Variants in NBAS observed in about 807,000 individuals in gnomAD.
NBAS encodes the protein NAG/BC035112 fusion.
A neutral mutation model predicts 302.5 loss-of-function variants in NBAS; 219 were observed. The ratio of observed to expected loss-of-function variants is 0.72; its 90% CI spans 0.65 to 0.81. The LOEUF (loss-of-function observed/expected upper bound fraction) is 0.81. Among genes scored for constraint, NBAS ranks in the 30% least tolerant of loss-of-function variants. NBAS has a pLI of 0.00. For missense variants in NBAS, 2,932 were observed against 2,841.6 expected, an observed-to-expected ratio of 1.03 and a Z score of -0.72; for synonymous variants, 1,118 against 1,021.6, an observed-to-expected ratio of 1.09 and a Z score of -1.80.
At chr2:14,835,750 A>C in the NBAS span, among the ~76,000 whole-genome samples, 261 of 152,068 alleles carry the variant, frequency 1.7e-3, no homozygotes, top group African/African-American at 6.0e-3. Context: ...AGTTGCTTCA[A>C]GTTTGGGGCC....
intron 9 of NBAS, among the ~76,000 whole-genome samples, chr2:15,533,447 T>C (rs1210959621): frequency 2.0e-5 from 3 of 152,090 alleles, no homozygotes; most frequent in Non-Finnish European, 2.9e-5. Context: ...TAGTTAAAAA[T>C]GAATAAACTA....
intron 31 of NBAS, among the ~76,000 whole-genome samples, chr2:15,372,494 A>G (rs1237054188): frequency 6.6e-6 from 1 of 152,240 alleles, no homozygotes; most frequent in Admixed American, 6.5e-5. Flanking sequence ...TACCTAAACC[A>G]TAAATTTCTA....
At chr2:15,154,957 C>T in the NBAS span, among the ~76,000 whole-genome samples, 3 of 152,198 alleles carry the variant, frequency 2.0e-5, no homozygotes, top group Non-Finnish European at 4.4e-5. Flanking sequence ...TTCCAGTGTT[C>T]TAAGAGTTTA....
the NBAS span, among the ~76,000 whole-genome samples, chr2:14,845,927 C>T: frequency 1.3e-5 from 2 of 151,938 alleles, no homozygotes; most frequent in Middle Eastern, 3.4e-3. Context: ...AAAATAGCCT[C>T]AAATGGCAAA....
intron 9 of NBAS, among the ~76,000 whole-genome samples, chr2:15,515,117 A>C (rs1040140190): frequency 2.6e-5 from 4 of 152,182 alleles, no homozygotes; most frequent in African/African-American, 9.7e-5. Context: ...AGAAATGGAG[A>C]TAACTGAATC....
At position 15,407,558 on chromosome 2, in the gene NBAS, G is replaced by A. The variant is rs114169135; in HGVS notation, c.2938-5257C>T. Among the ~76,000 whole-genome samples the A allele has an allele frequency of 8.1e-3, 1,234 of 152,126 alleles. 15 individuals carry two copies. The highest frequency in any genetic ancestry group is 0.028 in the African/African-American group (1,164 of 41,502). ...AGAGAGTGGAGATTATTTGCCACAC[G>A]GGTAACTAGCAAAGGATAATTTCCA... On this transcript the variant is annotated intron_variant, in intron 25 of 51. Transcript: ENST00000281513.
At chr2:14,846,185 C>A in the NBAS span, among the ~76,000 whole-genome samples, 1 of 152,154 alleles carries the variant, frequency 6.6e-6, no homozygotes, top group African/African-American at 2.4e-5. Context: ...ACATACACTA[C>A]AGCTTGAATA....
intron 35 of NBAS, among the ~76,000 whole-genome samples, chr2:15,336,473 C>T (rs936138334): frequency 2.0e-5 from 3 of 152,134 alleles, no homozygotes; most frequent in Admixed American, 6.6e-5. Context: ...GTGGCTCACG[C>T]CTGTAATCCC....
the NBAS span, among the ~76,000 whole-genome samples, chr2:14,920,440 C>T: frequency 6.6e-6 from 1 of 152,142 alleles, no homozygotes; most frequent in African/African-American, 2.4e-5. Flanking sequence ...CACCTAAAGT[C>T]ACCAGCTATA....
At chr2:15,024,091 G>C in the NBAS span, among the ~76,000 whole-genome samples, 1 of 151,902 alleles carries the variant, frequency 6.6e-6, no homozygotes. Context: ...GTACCCAAGG[G>C]TTTTGTTTTT....
At chr2:15,448,026 T>C (rs532578185) in intron 21 of NBAS, among the ~76,000 whole-genome samples, 35 of 152,210 alleles carry the variant, frequency 2.3e-4, no homozygotes, top group African/African-American at 8.2e-4. Flanking sequence ...CACTCCTTTC[T>C]CTCTCAAGCC....
intron 49 of NBAS, among the ~76,000 whole-genome samples, chr2:15,188,707 T>C (rs1009495762): frequency 6.6e-6 from 1 of 152,190 alleles, no homozygotes. Context: ...ATGTTTTAAA[T>C]GCAATAAATG....
At chr2:15,020,326 G>A in the NBAS span, among the ~76,000 whole-genome samples, 1 of 152,210 alleles carries the variant, frequency 6.6e-6, no homozygotes, top group Non-Finnish European at 1.5e-5. Context: ...ATTGCAAAGG[G>A]TGATATGAGG....
intron 11 of NBAS, among the ~76,000 whole-genome samples, chr2:15,489,748 T>C (rs1680778725): frequency 1.3e-5 from 2 of 152,190 alleles, no homozygotes; most frequent in Admixed American, 1.3e-4. Context: ...TGTCTTTTCC[T>C]TTCTCAGATG....
the NBAS span, among the ~76,000 whole-genome samples, chr2:14,924,162 A>G: frequency 6.6e-6 from 1 of 152,218 alleles, no homozygotes; most frequent in African/African-American, 2.4e-5. Flanking sequence ...GAGATTTTGA[A>G]TGATACAAAC....
intron 35 of NBAS, among the ~76,000 whole-genome samples, chr2:15,339,236 G>A (rs1237440777): frequency 6.6e-6 from 1 of 151,950 alleles, no homozygotes; most frequent in Non-Finnish European, 1.5e-5. Flanking sequence ...TAAGTTTACT[G>A]AACACATAAT....
chr2:15,365,777 T>C (rs1674169167), intron 32 of NBAS, among the ~76,000 whole-genome samples: 1 of 152,202 alleles, frequency 6.6e-6, no homozygotes. Flanking sequence ...TTAAATATGT[T>C]ACATATATAT....
At chr2:14,974,726 G>T in the NBAS span, among the ~76,000 whole-genome samples, 2 of 152,164 alleles carry the variant, frequency 1.3e-5, no homozygotes, top group African/African-American at 4.8e-5. Flanking sequence ...GTATCCTATA[G>T]TAGGCAGTCC....
the NBAS span, among the ~76,000 whole-genome samples, chr2:15,128,677 A>G: frequency 3.3e-5 from 5 of 152,186 alleles, no homozygotes; most frequent in Non-Finnish European, 7.4e-5. Context: ...ATCAGGGCTC[A>G]CTTGTACAGA....
Sources: allele counts gnomAD v4.1 joint callset (sites outside exome capture counted in the v4.1 genomes callset), GRCh38; gene constraint gnomAD v4.1.1; transcripts MANE v1.5; gene names NCBI Gene and HGNC (gene_info 2026-07-23, HGNC 2026-07-21).